The following WRNIP1 variants were observed in gnomAD, a reference collection of about 807,000 sequenced individuals.
The protein encoded by WRNIP1 is ATPase WRNIP1.
A neutral mutation model predicts 56.1 loss-of-function variants in WRNIP1; 41 were observed. The ratio of observed to expected loss-of-function variants is 0.73; its 90% confidence interval spans 0.57 to 0.95. The LOEUF is 0.95. WRNIP1 is among the 40% of genes least tolerant of loss of function. The pLI, the probability that WRNIP1 is intolerant of heterozygous loss-of-function variation, is 0.00. For synonymous variants in WRNIP1, 547 were observed against 398.1 expected, an observed-to-expected ratio of 1.37 and a Z score of -4.45; for missense variants, 1,170 against 939.4, an observed-to-expected ratio of 1.25 and a Z score of -3.21.
chr6:2,781,359 C>A (rs987720156), intron 4 of WRNIP1, among the ~76,000 whole-genome samples: 2 of 152,342 alleles, frequency 1.3e-5, no homozygotes, highest in South Asian at 2.1e-4. Flanking sequence ...GTTTACACAC[C>A]CCACCCCAGT....
At chr6:2,779,593 C>T in intron 4 of WRNIP1, 101 bp downstream of exon 4, 1 of 1,265,422 alleles carries the variant, frequency 7.9e-7, no homozygotes, top group Non-Finnish European at 1.1e-6. Context: ...AGCATTCCAG[C>T]TGGGTCCAGA....
Position 2,766,439 on chromosome 6 carries a change from G to A in WRNIP1, c.817G>A (p.Gly273Ser). ...SLILWGPPGC[G>S]KTTLAHIIAS... ...TATCCTGTGGGGGCCGCCGGGCTGCGGCAAGGTGAGTGCGGCCTTGGCCGT... is the reference window on the plus strand; with the variant it reads ...TATCCTGTGGGGGCCGCCGGGCTGCAGCAAGGTGAGTGCGGCCTTGGCCGT... Residue 273 changes from glycine (G) to serine (S), a missense_variant, in exon 1 of 7, where the codon GGC (glycine) becomes AGC (serine). By Grantham distance (56) the Gly-to-Ser change is moderately conservative. Coordinates refer to ENST00000380773, the MANE Select transcript of WRNIP1 (RefSeq NM_020135.3). The A allele has an allele frequency of 1.3e-6, 2 of 1,557,030 alleles. No homozygotes were observed. The highest frequency in any genetic ancestry group is 1.2e-5 in the South Asian group (1 of 84,670).
chr6:2,766,432 G>A lies in WRNIP1; in HGVS notation c.810G>A (p.Pro270=), dbSNP rs959608429. The A allele has an allele frequency of 1.4e-5, 22 of 1,565,764 alleles. No individual in the cohort carries two copies. Among genetic ancestry groups the A allele is most frequent in the Non-Finnish European group, 1.8e-5 (21 of 1,150,674 alleles). The change falls in exon 1 of 7, where the codon CCG becomes CCA. Residue 270 remains proline, a synonymous_variant. Coordinates refer to ENST00000380773, the MANE Select transcript of WRNIP1 (RefSeq NM_020135.3). ...EIPSLILWGP[P]GCGKTTLAHI... ...CCTCGCTTATCCTGTGGGGGCCGCC[G>A]GGCTGCGGCAAGGTGAGTGCGGCCT...
intron 1 of WRNIP1, 97 bp downstream of exon 1, chr6:2,766,541 G>T (rs1582162525): frequency 3.5e-6 from 5 of 1,412,836 alleles, no homozygotes; most frequent in Non-Finnish European, 4.6e-6. Context: ...GAAAGAAGCC[G>T]CCTGCCTCTC....
intron 3 of WRNIP1, among the ~76,000 whole-genome samples, chr6:2,770,798 T>C (rs1340146338): frequency 1.3e-5 from 2 of 151,754 alleles, no homozygotes; most frequent in Admixed American, 6.6e-5. Context: ...ACCTGCAGTT[T>C]AGCATTTTGT....
At position 2,783,537 on chromosome 6, in the gene WRNIP1, G is replaced by C; in HGVS notation, c.1618G>C (p.Val540Leu). ...CCCACTCTACGTGGCACGGAGGCTT[G>C]TCAGGTTTGCCAGCGAGGACATAGG... ...EDPLYVARRL[V>L]RFASEDIGLA... Residue 540 changes from valine to leucine, a missense_variant, in exon 5 of 7, where the codon GTC becomes CTC. Val to Leu is a conservative substitution (Grantham distance 32). Coordinates refer to ENST00000380773, the MANE Select transcript of WRNIP1 (RefSeq NM_020135.3). 2 of 1,612,394 alleles carry C rather than the reference G, an allele frequency of 1.2e-6. No individual in the cohort carries two copies. Among genetic ancestry groups the C allele is most frequent in the Non-Finnish European group, 1.7e-6 (2 of 1,179,240 alleles).
intron 2 of WRNIP1, among the ~76,000 whole-genome samples, chr6:2,769,176 A>T (rs1366945236): frequency 6.6e-6 from 1 of 152,256 alleles, no homozygotes; most frequent in Non-Finnish European, 1.5e-5. Flanking sequence ...TCTAAATACT[A>T]GGAGTCATTG....
chr6:2,770,210 C>G lies in WRNIP1; in HGVS notation c.1105C>G (p.Leu369Val). The G allele has an allele frequency of 1.2e-6, 2 of 1,614,226 alleles. No homozygotes were observed. The highest frequency in any genetic ancestry group is 1.7e-6 in the Non-Finnish European group (2 of 1,180,046). ...NPSFQVNAALLSRCRVIVLEK... is the reference protein window; with the variant it reads ...NPSFQVNAALVSRCRVIVLEK... ...TTCCTTCCAGGTCAACGCTGCTCTT[C>G]TGAGCCGCTGTCGAGTGATTGTTCT... Residue 369 changes from leucine (L) to valine (V), a missense_variant, in exon 3 of 7, where the codon CTG becomes GTG. Coordinates refer to ENST00000380773, the MANE Select transcript of WRNIP1 (RefSeq NM_020135.3).
rs1370218855 is a variant in WRNIP1 at position 2,765,985 on chromosome 6, C to G, written c.363C>G (p.Arg121=). Residue 121 remains arginine, a synonymous_variant, in exon 1 of 7, where the codon CGC becomes CGG. Transcript: ENST00000380773. ...YDAPPTPSGA[R]LIPDFPVARS... ...CGCCGCCCACACCCAGCGGCGCCCG[C>G]CTTATCCCCGACTTCCCGGTGGCCC... 1.4e-6 allele frequency: 2 copies of G among 1,398,806 alleles called. No individual in the cohort carries two copies. The highest frequency in any genetic ancestry group is 1.5e-5 in the African/African-American group (1 of 66,904). 86.6% of individuals were successfully genotyped at this position (1,398,806 alleles called of 1,614,324 possible). A position where few individuals can be genotyped will look rare whatever the true frequency, so the allele number is the denominator to read the frequency against.
In WRNIP1 at chr6:2,765,918, G is replaced by GCGA. The variant is rs1764937453; in HGVS notation, c.302_304dup (p.Asp101dup). Reference sequence around the variant, plus strand: ...AGCAGCGAGGGCGAGGGTGAGGAGGGCGACGACGGCGGCGAGACCGAGAGC... The same window carrying GCGA: ...AGCAGCGAGGGCGAGGGTGAGGAGGGCGACGACGACGGCGGCGAGACCGAGAGC... On this transcript the variant is annotated inframe_insertion, in exon 1 of 7. Transcript: ENST00000380773. The GCGA allele has an allele frequency of 6.9e-7, 1 of 1,454,164 alleles. No homozygotes were observed. The highest frequency in any genetic ancestry group is 9.1e-7 in the Non-Finnish European group (1 of 1,104,604). The allele number at this position is 1,454,164 out of a possible 1,614,324, so 90.1% of individuals were successfully genotyped here.
Position 2,766,292 on chromosome 6 carries a change from G to C in WRNIP1, c.670G>C (p.Gly224Arg). 6.2e-7 allele frequency: 1 copy of C among 1,602,430 alleles called. No individual in the cohort carries two copies. Among genetic ancestry groups the C allele is most frequent in the Non-Finnish European group, 8.5e-7 (1 of 1,175,716 alleles). ...CGAGGAGATCCGACAGATGCTACAG[G>C]GCAAGCCGCTGGCCGACACGATGCG... ...AAEEIRQMLQ[G>R]KPLADTMRPD... The change falls in exon 1 of 7, where the codon GGC becomes CGC. Residue 224 changes from glycine to arginine, a missense_variant. Physicochemically the swap from Gly to Arg is moderately radical, Grantham distance 125. Coordinates refer to ENST00000380773, the MANE Select transcript of WRNIP1 (RefSeq NM_020135.3).
intron 4 of WRNIP1, among the ~76,000 whole-genome samples, chr6:2,780,561 G>A (rs562114956): frequency 6.6e-6 from 1 of 152,318 alleles, no homozygotes; most frequent in Admixed American, 6.5e-5. Flanking sequence ...GCCTCAGCGG[G>A]GCCTGCTCAG....
rs2113490009 is a variant in WRNIP1 at position 2,785,577 on chromosome 6, A to C, written c.*295A>C. ...ATTTTGTCATAGTATTTAAGTCATA[A>C]TGTCATTTCAGAATTCAGTTCTGTA... is the stretch of plus-strand genomic sequence containing the variant. On this transcript the variant is annotated 3_prime_UTR_variant, in exon 7 of 7. Coordinates refer to ENST00000380773, the MANE Select transcript of WRNIP1 (RefSeq NM_020135.3). 2.9e-6 allele frequency: 1 copy of C among 347,182 alleles called. No individual in the cohort carries two copies. The highest frequency in any genetic ancestry group is 8.1e-4 in the Middle Eastern group (1 of 1,232). The allele number at this position is 347,182 out of a possible 1,614,324, so 21.5% of individuals were successfully genotyped here.
intron 3 of WRNIP1, chr6:2,772,911 C>A (rs1456798628): frequency 1.1e-6 from 1 of 938,152 alleles, no homozygotes; most frequent in Non-Finnish European, 1.3e-6. Context: ...AGACTTCCAA[C>A]CCCATATACT....
At chr6:2,774,033 A>T in intron 3 of WRNIP1, 1 of 985,404 alleles carries the variant, frequency 1.0e-6, no homozygotes, top group Non-Finnish European at 1.2e-6. Flanking sequence ...TAAAAGTTTA[A>T]AGTGTCTTAA....
chr6:2,773,999 G>C, intron 3 of WRNIP1: 1 of 985,330 alleles, frequency 1.0e-6, no homozygotes, highest in Non-Finnish European at 1.2e-6. Flanking sequence ...CCCCAAACAA[G>C]GTGGCTATGG....
intron 1 of WRNIP1, among the ~76,000 whole-genome samples, chr6:2,766,772 CT>C (rs1765022934): frequency 6.7e-6 from 1 of 150,354 alleles, no homozygotes; most frequent in Non-Finnish European, 1.5e-5. Context: ...CCTCCCCAGA[CT>C]TTGATTTAGT....
intron 3 of WRNIP1, chr6:2,773,598 G>T: frequency 1.0e-6 from 1 of 985,324 alleles, no homozygotes; most frequent in Non-Finnish European, 1.2e-6. Flanking sequence ...TCTGCTCTGG[G>T]TTAATTTTGG....
chr6:2,783,985 T>C (rs1236460562), intron 5 of WRNIP1, among the ~76,000 whole-genome samples: 1 of 152,184 alleles, frequency 6.6e-6, no homozygotes, highest in Non-Finnish European at 1.5e-5. Flanking sequence ...TCTCCTCTTC[T>C]TTGGTCTTAG....
Sources: gnomAD v4.1 joint callset for allele counts (sites outside exome capture counted in the v4.1 genomes callset) on GRCh38, gnomAD v4.1.1 for gene constraint, MANE v1.5 for transcripts, NCBI Gene and HGNC (gene_info 2026-07-23, HGNC 2026-07-21) for gene names.